PIP5K1C: variants seen among roughly 807,000 people sequenced by gnomAD.
PIP5K1C encodes the protein phosphatidylinositol-4-phosphate 5-kinase type 1 gamma, also known as phosphatidylinositol 4-phosphate 5-kinase type-1 gamma.
In PIP5K1C, 45 loss-of-function variants were observed where a neutral mutation model predicts 80.1. The observed-to-expected ratio is 0.56, with a 90% CI of 0.44 to 0.72. The LOEUF (loss-of-function observed/expected upper bound fraction) is 0.72, where lower values mean the gene tolerates loss of function less well. PIP5K1C is among the 30% of genes least tolerant of loss of function. The pLI is 0.00. For missense variants in PIP5K1C, 753 were observed against 954.6 expected, an observed-to-expected ratio of 0.79 and a Z score of 2.78; for synonymous variants, 498 against 420.1, an observed-to-expected ratio of 1.19 and a Z score of -2.27.
At chr19:3,670,188 G>A (rs940981777) in intron 1 of PIP5K1C, among the ~76,000 whole-genome samples, 13 of 152,178 alleles carry the variant, frequency 8.5e-5, no homozygotes, top group African/African-American at 3.1e-4. Flanking sequence ...CCCTGCAGTC[G>A]TGGTCAGTCC....
At chr19:3,658,325 AG>A (rs1300602314) in intron 5 of PIP5K1C, among the ~76,000 whole-genome samples, 1 of 152,212 alleles carries the variant, frequency 6.6e-6, no homozygotes, top group Non-Finnish European at 1.5e-5. Flanking sequence ...GTGATGGTGC[AG>A]GGTGAGAGAG....
chr19:3,652,081 C>G, intron 7 of PIP5K1C, 50 bp from the exon 8 acceptor site: 1 of 1,575,246 alleles, frequency 6.3e-7, no homozygotes, highest in Non-Finnish European at 8.7e-7. Context: ...TCTCTATCCC[C>G]CACAACGGCT....
At chr19:3,699,699 A>C (rs1025838706) in intron 1 of PIP5K1C, among the ~76,000 whole-genome samples, 1 of 152,122 alleles carries the variant, frequency 6.6e-6, no homozygotes, top group East Asian at 1.9e-4. Context: ...AGGGGGCATG[A>C]GACAGCCGTG....
chr19:3,691,599 G>A (rs183866395), intron 1 of PIP5K1C, among the ~76,000 whole-genome samples: 132 of 152,260 alleles, frequency 8.7e-4, no homozygotes, highest in African/African-American at 2.9e-3. Flanking sequence ...CATCTACCCC[G>A]CCTGGCCCGT....
chr19:3,658,480 G>T (rs934647533), intron 5 of PIP5K1C, among the ~76,000 whole-genome samples: 1 of 152,254 alleles, frequency 6.6e-6, no homozygotes, highest in African/African-American at 2.4e-5. Flanking sequence ...CGGCTCCTCC[G>T]CCTTCCCCGC....
rs8104119 is a variant in PIP5K1C at position 3,684,678 on chromosome 19, G to C, written c.94+15619C>G. Among the ~76,000 whole-genome samples the C allele has an allele frequency of 3.2e-4, 48 of 152,364 alleles. 1 individual carries two copies. The highest frequency in any genetic ancestry group is 1.1e-3 in the African/African-American group (47 of 41,592). On this transcript the variant is annotated intron_variant, in intron 1 of 17. Transcript: ENST00000335312. ...ACTGCAGCGTGAAGCCTCTCAGTGT[G>C]GCAGTGGTTTGTTGCATAATCCACG...
Position 3,680,802 on chromosome 19 carries a change from G to A in PIP5K1C, c.95-13449C>T, listed in dbSNP as rs757909370. The stretch of plus-strand genomic sequence containing the variant: ...ATCTCCTCTGGGACAGGCTTTGAGC[G>A]TGGCCCTGGGGGTGGAGGGAGTGAC... On this transcript the variant is annotated intron_variant, in intron 1 of 17. Transcript: ENST00000335312. Among the ~76,000 whole-genome samples, 25 of 152,350 alleles carry A rather than the reference G, an allele frequency of 1.6e-4. 1 individual carries two copies. The highest frequency in any genetic ancestry group is 1.4e-3 in the South Asian group (7 of 4,832).
intron 12 of PIP5K1C, among the ~76,000 whole-genome samples, chr19:3,643,693 C>T (rs2034082254): frequency 6.6e-6 from 1 of 150,892 alleles, no homozygotes; most frequent in South Asian, 2.1e-4. Flanking sequence ...CCTCCCTTCC[C>T]CTCCGCGCTG....
Position 3,637,321 on chromosome 19 carries a change from G to A in PIP5K1C, c.1920+1563C>T, listed in dbSNP as rs1158130819. On this transcript the variant is annotated intron_variant, in intron 16 of 17. Transcript: ENST00000335312. This position sits in a 1 kb window ranked among gnomAD's most constrained non-coding sequence, Gnocchi z 7.0. Reference sequence around the variant, plus strand: ...TGCTGCCCTATGGAGCGCCCGGTTCGACGTGGGACCGAATGACATTCCCAG... The same window carrying A: ...TGCTGCCCTATGGAGCGCCCGGTTCAACGTGGGACCGAATGACATTCCCAG... 6.5e-6 allele frequency: 10 copies of A among 1,528,140 alleles called. No homozygotes were observed. In the Admixed American group the frequency reaches 7.9e-5, roughly 12 times the overall value. 94.7% of individuals were successfully genotyped at this position (1,528,140 alleles called of 1,614,324 possible).
At chr19:3,635,373 C>T (rs1400843601) in intron 16 of PIP5K1C, among the ~76,000 whole-genome samples, 2 of 152,152 alleles carry the variant, frequency 1.3e-5, no homozygotes, top group Non-Finnish European at 2.9e-5. Flanking sequence ...ATGGCGAAAC[C>T]CTATCTCTAC....
At chr19:3,699,559 C>G (rs2036232290) in intron 1 of PIP5K1C, among the ~76,000 whole-genome samples, 1 of 152,212 alleles carries the variant, frequency 6.6e-6, no homozygotes, top group Non-Finnish European at 1.5e-5. Context: ...CCGGAAACTT[C>G]CGATTTGGGA....
Position 3,688,355 on chromosome 19 carries a change from A to T in PIP5K1C, c.94+11942T>A, listed in dbSNP as rs2035837530. ...AGCGGGGTGCCGCAGGGGAGCCCGC[A>T]GGAGCTCCTGTTCCTCACCTGCGAG... On this transcript the variant is annotated intron_variant, in intron 1 of 17. Coordinates refer to ENST00000335312, the MANE Select transcript of PIP5K1C (RefSeq NM_012398.3). This position sits in a 1 kb window ranked among gnomAD's most constrained non-coding sequence, Gnocchi z 5.3. Among the ~76,000 whole-genome samples, 1 of 152,158 alleles carries T rather than the reference A, an allele frequency of 6.6e-6. No homozygotes were observed. Among genetic ancestry groups the T allele is most frequent in the South Asian group, 2.1e-4 (1 of 4,838 alleles).
At chr19:3,697,230 A>G (rs1568366728) in intron 1 of PIP5K1C, among the ~76,000 whole-genome samples, 1 of 151,414 alleles carries the variant, frequency 6.6e-6, no homozygotes, top group Non-Finnish European at 1.5e-5. Flanking sequence ...TGGACCGGGG[A>G]GGACCGAGCT....
intron 1 of PIP5K1C, among the ~76,000 whole-genome samples, chr19:3,677,498 G>C (rs147640902): frequency 2.0e-5 from 3 of 150,990 alleles, no homozygotes; most frequent in African/African-American, 7.3e-5. Context: ...CAGGAGAATC[G>C]CTTAAACCTG....
Position 3,641,713 on chromosome 19 carries a change from C to T in PIP5K1C, c.1779G>A (p.Glu593=), listed in dbSNP as rs2033967152. 3 of 1,608,026 alleles carry T rather than the reference C, an allele frequency of 1.9e-6. No individual in the cohort carries two copies. The highest frequency in any genetic ancestry group is 1.7e-6 in the Non-Finnish European group (2 of 1,179,818). Residue 593 remains glutamate, a synonymous_variant, in exon 15 of 18, where the codon GAG becomes GAA. Coordinates refer to ENST00000335312, the MANE Select transcript of PIP5K1C (RefSeq NM_012398.3). ...GCCGAGGCCGTGCTCACCCTGCGTC[C>T]TCCTCTTTGGGGACCACAATCTCCA... ...CSVEIVVPKE[E]DAGVEASPAG... is the part of the protein sequence containing the mutation.
chr19:3,664,891 C>T lies in PIP5K1C; in HGVS notation c.150G>A (p.Pro50=), dbSNP rs749992012. Residue 50 remains proline (P), a synonymous_variant, in exon 3 of 18, where the codon CCG becomes CCA. Coordinates refer to ENST00000335312, the MANE Select transcript of PIP5K1C (RefSeq NM_012398.3). ...CCAACTTCTTCCCATGGCCAGGGCC[C>T]GGCTGTGCCGTCATGGACAGAACCT... ...PTEVLSMTAQ[P]GPGHGKKLGH... 40 of 1,612,980 alleles carry T rather than the reference C, an allele frequency of 2.5e-5. 1 individual carries two copies. The Middle Eastern group carries it at 8.2e-4, about 33-fold the overall frequency.
rs80032856 is a variant in PIP5K1C at position 3,643,163 on chromosome 19, C to T, written c.1649+80G>A. ...GCTCCACCCACATGCACAGCGGATG[C>T]CCCGCCCACATGCAGTGAATGCCCC... On this transcript the variant is annotated intron_variant, in intron 13 of 17. Transcript: ENST00000335312. 6.5e-3 allele frequency: 10,395 copies of T among 1,595,608 alleles called. 41 individuals are homozygous for T. Among genetic ancestry groups the T allele is most frequent in the Non-Finnish European group, 7.7e-3 (8,970 of 1,171,754 alleles).
rs1233740091 is a variant in PIP5K1C at position 3,630,856 on chromosome 19, T to A, written c.*2311A>T. The stretch of plus-strand genomic sequence containing the variant: ...ACTTCTATCATGGGGGACAGCGGGG[T>A]GGGTCCAGCAGCCTCCCTCGCGGGG... On this transcript the variant is annotated 3_prime_UTR_variant, in exon 18 of 18. Coordinates refer to ENST00000335312, the MANE Select transcript of PIP5K1C (RefSeq NM_012398.3). 6.6e-6 allele frequency: 1 copy of A among 151,936 alleles called. No homozygotes were observed. The highest frequency in any genetic ancestry group is 6.6e-5 in the Admixed American group (1 of 15,250). The allele number at this position is 151,936 out of a possible 1,614,324, so 9.4% of individuals were successfully genotyped here. A position where few individuals can be genotyped will look rare whatever the true frequency, so the allele number is the denominator to read the frequency against.
intron 6 of PIP5K1C, among the ~76,000 whole-genome samples, chr19:3,654,622 C>A (rs934850595): frequency 2.0e-5 from 3 of 151,714 alleles, no homozygotes; most frequent in Non-Finnish European, 4.4e-5. Context: ...TTGAGACCAG[C>A]CTGGCCAACA....
Sources: allele counts gnomAD v4.1 joint callset (sites outside exome capture counted in the v4.1 genomes callset), GRCh38; gene constraint gnomAD v4.1.1; non-coding constraint Gnocchi (gnomAD v3.1); transcripts MANE v1.5; gene names NCBI Gene and HGNC (gene_info 2026-07-23, HGNC 2026-07-21).